Variants in NPRL3 observed in about 807,000 individuals in gnomAD.
NPRL3 encodes the protein NPR3 like, GATOR1 complex subunit.
Under a neutral mutation model 57.2 loss-of-function variants are expected in NPRL3, and 23 were observed. The ratio of observed to expected loss-of-function variants is 0.40; its 90% CI spans 0.29 to 0.57. NPRL3 has a LOEUF of 0.57. Among genes scored for constraint, NPRL3 ranks in the 20% least tolerant of loss-of-function variants. NPRL3 has a pLI of 0.42. For missense variants in NPRL3, 691 were observed against 767.1 expected, an observed-to-expected ratio of 0.90 and a Z score of 1.17; for synonymous variants, 333 against 321.1, an observed-to-expected ratio of 1.04 and a Z score of -0.39.
At chr16:97,410 A>ATTTTTTTTTTTTTTTTTTTT (rs34410203) in intron 9 of NPRL3, among the ~76,000 whole-genome samples, 1 of 115,086 alleles carries the variant, frequency 8.7e-6, no homozygotes. Context: ...ACACCCAGCT[A>ATTTTTTTTTTTTTTTTTTTT]TTTTTTTTTT....
chr16:116,683 C>G (rs1202861550), intron 5 of NPRL3, among the ~76,000 whole-genome samples: 1 of 151,546 alleles, frequency 6.6e-6, no homozygotes, highest in East Asian at 2.0e-4. Context: ...TTAGCAGGGG[C>G]AGGGCACAGT....
At chr16:89,229 A>C in intron 12 of NPRL3, 1 of 327,610 alleles carries the variant, frequency 3.1e-6, no homozygotes, top group African/African-American at 2.1e-5. Context: ...GGGTCCTCAC[A>C]TGAAGCATGA....
chr16:103,705 C>A (rs1054626707), intron 7 of NPRL3, among the ~76,000 whole-genome samples: 1 of 152,176 alleles, frequency 6.6e-6, no homozygotes, highest in Non-Finnish European at 1.5e-5. Context: ...ATTGGCCGGG[C>A]GTGGCGGCTC....
chr16:107,594 C>CA (rs11309723), intron 7 of NPRL3, among the ~76,000 whole-genome samples: 1,568 of 130,664 alleles, frequency 0.012, 15 homozygotes, highest in Non-Finnish European at 0.018. Flanking sequence ...TATTCCATCT[C>CA]AAAAAAAAAA....
chr16:87,556 C>G (rs1410202063), intron 13 of NPRL3, among the ~76,000 whole-genome samples: 2 of 133,372 alleles, frequency 1.5e-5, no homozygotes, highest in Admixed American at 8.2e-5. Flanking sequence ...TTTTTTGAGA[C>G]GGAGTCTCGC....
intron 6 of NPRL3, among the ~76,000 whole-genome samples, chr16:110,976 ATT>A (rs904378034): frequency 2.6e-5 from 4 of 152,182 alleles, no homozygotes; most frequent in African/African-American, 9.7e-5. Flanking sequence ...TTAAAATAAA[ATT>A]TCTTTTTACT....
At chr16:128,529 G>A (rs1900645124) in intron 3 of NPRL3, among the ~76,000 whole-genome samples, 1 of 152,200 alleles carries the variant, frequency 6.6e-6, no homozygotes, top group Non-Finnish European at 1.5e-5. Context: ...AGCACTTTGG[G>A]AGGCCGAGGC....
Position 138,318 on chromosome 16 carries a change from CCGGAGGCGGAGGGGGCCTGAGGAGGA to C in NPRL3, c.-67-10_-52del. 1 of 895,548 alleles carries C rather than the reference CCGGAGGCGGAGGGGGCCTGAGGAGGA, an allele frequency of 1.1e-6. No homozygotes were observed. Among genetic ancestry groups the C allele is most frequent in the Admixed American group, 4.8e-5 (1 of 20,668 alleles). 55.5% of individuals were successfully genotyped at this position (895,548 alleles called of 1,614,324 possible). ...CGGAGGGGGCCAGAGGAGGACGGAG[CCGGAGGCGGAGGGGGCCTGAGGAGGA>C]CGGAGCCGGAGGCGGAGGGGGCCTG... On this transcript the variant is annotated splice_acceptor_variant and splice_polypyrimidine_tract_variant and 5_prime_UTR_variant and intron_variant, in exon 2 of 14. Coordinates refer to ENST00000611875, the MANE Select transcript of NPRL3 (RefSeq NM_001077350.3). LOFTEE classifies it low-confidence loss of function (5UTR_SPLICE).
chr16:90,151 C>T (rs1412040366), intron 11 of NPRL3: 22 of 476,748 alleles, frequency 4.6e-5, no homozygotes, highest in African/African-American at 2.1e-4. Context: ...CACCACACAC[C>T]GGGGCCACCC....
At chr16:93,515 C>CACTAG (rs1898854830) in intron 9 of NPRL3, among the ~76,000 whole-genome samples, 190 bp from the exon 10 acceptor site, 1 of 151,780 alleles carries the variant, frequency 6.6e-6, no homozygotes, top group African/African-American at 2.4e-5. Context: ...CGCAACCTCT[C>CACTAG]ACTAGGATGT....
rs754022800 is a variant in NPRL3, at chr16:85,668, G to A, written c.*1037C>T. Reference sequence around the variant, plus strand: ...GCTGTAGTGGCAGCAGCCCGGGTGGGCGTCGGCCATGCAGGGGAGTGGGCC... The same window carrying A: ...GCTGTAGTGGCAGCAGCCCGGGTGGACGTCGGCCATGCAGGGGAGTGGGCC... On this transcript the variant is annotated 3_prime_UTR_variant, in exon 14 of 14. Coordinates refer to ENST00000611875, the MANE Select transcript of NPRL3 (RefSeq NM_001077350.3). 8 of 1,580,334 alleles carry A rather than the reference G, an allele frequency of 5.1e-6. No individual in the cohort carries two copies. In the East Asian group the frequency reaches 6.8e-5, roughly 13 times the overall value.
At chr16:130,619 G>A in intron 2 of NPRL3, 28 bp from the exon 3 acceptor site, 1 of 1,550,296 alleles carries the variant, frequency 6.5e-7, no homozygotes, top group Non-Finnish European at 8.7e-7. Context: ...GAGGGGAAGG[G>A]CTAAGAAAAC....
intron 7 of NPRL3, among the ~76,000 whole-genome samples, chr16:105,882 G>A (rs908828699): frequency 2.6e-5 from 4 of 152,204 alleles, no homozygotes; most frequent in African/African-American, 9.7e-5. Flanking sequence ...GGAGACACAA[G>A]TGCTAGGTAT....
At chr16:103,518 G>T (rs1423322104) in intron 7 of NPRL3, among the ~76,000 whole-genome samples, 1 of 151,814 alleles carries the variant, frequency 6.6e-6, no homozygotes, top group Non-Finnish European at 1.5e-5. Flanking sequence ...GAATACGGAG[G>T]CTCCTATTGT....
chr16:132,264 TC>T (rs1900845949), intron 2 of NPRL3, among the ~76,000 whole-genome samples: 1 of 152,174 alleles, frequency 6.6e-6, no homozygotes, highest in Non-Finnish European at 1.5e-5. Context: ...TGCCTCAGCC[TC>T]CCAAGTGTTG....
chr16:123,818 C>G (rs942096898), intron 3 of NPRL3, among the ~76,000 whole-genome samples: 3 of 143,266 alleles, frequency 2.1e-5, no homozygotes, highest in Non-Finnish European at 3.0e-5. Context: ...CACACACTCC[C>G]CACGCTGAGA....
At chr16:113,303 G>A (rs1567140183) in intron 5 of NPRL3, among the ~76,000 whole-genome samples, 1 of 152,196 alleles carries the variant, frequency 6.6e-6, no homozygotes, top group Non-Finnish European at 1.5e-5. Flanking sequence ...CAAAAAGAGA[G>A]GCACCAGGCC....
At chr16:133,352 G>A (rs1900901980) in intron 2 of NPRL3, among the ~76,000 whole-genome samples, 1 of 152,066 alleles carries the variant, frequency 6.6e-6, no homozygotes, top group African/African-American at 2.4e-5. Flanking sequence ...AGCCTCCCGA[G>A]TAGCTGGGGA....
intron 8 of NPRL3, 92 bp from the exon 9 acceptor site, chr16:98,393 T>C: frequency 4.3e-6 from 6 of 1,389,586 alleles, no homozygotes; most frequent in Non-Finnish European, 5.9e-6. Context: ...GCACCGGGTA[T>C]GCACCAGGTC....
Sources: allele counts gnomAD v4.1 joint callset (sites outside exome capture counted in the v4.1 genomes callset), GRCh38; gene constraint gnomAD v4.1.1; transcripts MANE v1.5; gene names NCBI Gene and HGNC (gene_info 2026-07-23, HGNC 2026-07-21).